TJP1: variants seen among roughly 807,000 people sequenced by gnomAD.
TJP1 encodes the protein tight junction protein ZO-1.
TJP1 carries 43 observed loss-of-function variants against 194.2 expected under a neutral mutation model. The ratio of observed to expected loss-of-function variants is 0.22; its 90% confidence interval spans 0.17 to 0.29. TJP1 has a LOEUF of 0.29. TJP1 is among the 10% of genes least tolerant of loss of function. The pLI is 1.00. For synonymous variants in TJP1, 801 were observed against 779.0 expected (o/e 1.03, Z -0.47); for missense variants, 1,971 against 2,185.7 (o/e 0.90, Z 1.96).
At chr15:29,735,604 AAAG>A (rs2043977312) in intron 11 of TJP1, among the ~76,000 whole-genome samples, 1 of 149,620 alleles carries the variant, frequency 6.7e-6, no homozygotes, top group African/African-American at 2.5e-5. Flanking sequence ...AAAAAAAAAA[AAAG>A]AAAGAAACGT....
chr15:29,725,577 TA>T (rs963506157), intron 18 of TJP1, among the ~76,000 whole-genome samples: 60 of 143,766 alleles, frequency 4.2e-4, no homozygotes, highest in African/African-American at 6.1e-4. Flanking sequence ...AAAAGACATT[TA>T]AAAAAAAAAA....
At chr15:29,888,261 G>C (rs1394963556) in intron 2 of TJP1, among the ~76,000 whole-genome samples, 2 of 151,724 alleles carry the variant, frequency 1.3e-5, no homozygotes, top group Non-Finnish European at 2.9e-5. Context: ...TTTTATATGT[G>C]TATGTACATA....
At chr15:29,885,286 T>TC (rs1463161774) in intron 2 of TJP1, among the ~76,000 whole-genome samples, 1 of 152,182 alleles carries the variant, frequency 6.6e-6, no homozygotes, top group Non-Finnish European at 1.5e-5. Context: ...TGAGTACGTG[T>TC]CAGCTACCAG....
chr15:29,913,243 T>C (rs531280149), intron 2 of TJP1, among the ~76,000 whole-genome samples: 85 of 152,144 alleles, frequency 5.6e-4, no homozygotes, highest in African/African-American at 1.9e-3. Context: ...TTAAATACAC[T>C]AGAATTTATT....
chr15:29,806,661 T>G (rs1285597975), intron 1 of TJP1, among the ~76,000 whole-genome samples: 1 of 152,176 alleles, frequency 6.6e-6, no homozygotes, highest in Non-Finnish European at 1.5e-5. Flanking sequence ...GAGATGAGGT[T>G]GAGCCAGGAA....
chr15:29,956,216 T>C, intron 2 of TJP1: 1 of 1,234,866 alleles, frequency 8.1e-7, no homozygotes, highest in Non-Finnish European at 1.0e-6. Context: ...AGAAAAGCAT[T>C]GATCAGTCCA....
rs185929320 is a variant in TJP1 at position 29,924,884 on chromosome 15, C to T, written c.306+31348G>A. Reference sequence around the variant, plus strand: ...TAGGGGCTAGGCCCACGGGGCAGCTCTGACTCCTCCCCATAGTCCCAGTGC... The same window carrying T: ...TAGGGGCTAGGCCCACGGGGCAGCTTTGACTCCTCCCCATAGTCCCAGTGC... On this transcript the variant is annotated intron_variant, in intron 2 of 28. Coordinates refer to the TJP1 transcript ENST00000356107. Among the ~76,000 whole-genome samples, 616 of 152,346 alleles carry T rather than the reference C, an allele frequency of 4.0e-3. 2 individuals carry two copies. Among genetic ancestry groups the T allele is most frequent in the Non-Finnish European group, 6.3e-3 (429 of 68,032 alleles).
intron 1 of TJP1, among the ~76,000 whole-genome samples, chr15:29,807,766 A>T (rs1477137300): frequency 6.6e-6 from 1 of 152,218 alleles, no homozygotes; most frequent in East Asian, 1.9e-4. Flanking sequence ...TATAAATCTA[A>T]TATTTTAAAA....
chr15:29,947,921 C>T (rs1051460047), intron 2 of TJP1, among the ~76,000 whole-genome samples: 55 of 152,170 alleles, frequency 3.6e-4, no homozygotes, highest in Non-Finnish European at 7.4e-4. Flanking sequence ...GGGCTGCCTT[C>T]CCCCACACTC....
intron 1 of TJP1, among the ~76,000 whole-genome samples, chr15:29,802,353 G>A (rs1460687017): frequency 6.6e-6 from 1 of 152,014 alleles, no homozygotes; most frequent in Non-Finnish European, 1.5e-5. Context: ...GAAGATTAAT[G>A]CCATTTTAGA....
intron 1 of TJP1, among the ~76,000 whole-genome samples, chr15:29,960,746 C>CT: frequency 6.6e-6 from 1 of 152,108 alleles, no homozygotes; most frequent in Non-Finnish European, 1.5e-5. Flanking sequence ...GGTACCTTGT[C>CT]TAAGAATTTA....
At chr15:29,797,192 A>G (rs1202690859) in intron 2 of TJP1, among the ~76,000 whole-genome samples, 2 of 152,184 alleles carry the variant, frequency 1.3e-5, no homozygotes, top group Non-Finnish European at 2.9e-5. Flanking sequence ...TCTGTCTCCC[A>G]TGCTGGAGTG....
chr15:29,717,421 T>A (rs1395214851), intron 22 of TJP1, among the ~76,000 whole-genome samples: 3 of 152,232 alleles, frequency 2.0e-5, no homozygotes, highest in African/African-American at 7.2e-5. Context: ...AGAGCTGTAT[T>A]CAAATCTAAT....
At position 29,726,436 on chromosome 15, in the gene TJP1, C is replaced by T. The variant is rs376538778; in HGVS notation, c.2355G>A (p.Ala785=). The T allele has an allele frequency of 1.9e-5, 30 of 1,613,924 alleles. No individual in the cohort carries two copies. Among genetic ancestry groups the T allele is most frequent in the Admixed American group, 6.7e-5 (4 of 59,990 alleles). Residue 785 remains alanine, a synonymous_variant, in exon 18 of 28, where the codon GCG becomes GCA. Transcript: ENST00000614355. ...GCTGTTGTTGAATTGCTTCTTTCAG[C>T]GCACCATACCAACCATCATTCATTG... ...LNSMNDGWYG[A]LKEAIQQQQN...
Position 29,743,245 on chromosome 15 carries a change from CAA to C in TJP1, c.1011-466_1011-465del, listed in dbSNP as rs2044544114. Among the ~76,000 whole-genome samples the C allele has an allele frequency of 2.0e-5, 3 of 152,152 alleles. No individual in the cohort carries two copies. The East Asian group carries it at 5.8e-4, about 29-fold the overall frequency. On this transcript the variant is annotated intron_variant, in intron 8 of 27. Coordinates refer to ENST00000614355, the MANE Select transcript of TJP1 (RefSeq NM_001330239.4). ...ACTCAATGAAGCCACAGTATATCAA[CAA>C]AAGTGATTACATAAAAATAAAGTAC...
At chr15:29,844,678 T>C (rs1394732749) in intron 2 of TJP1, among the ~76,000 whole-genome samples, 1 of 152,144 alleles carries the variant, frequency 6.6e-6, no homozygotes, top group East Asian at 1.9e-4. Context: ...AAGCAGGTTT[T>C]GGAGGCTGAT....
rs775708047 is a variant in TJP1, at chr15:29,716,604, A to G, written c.4202+7T>C. On this transcript the variant is annotated splice_region_variant and intron_variant, in intron 23 of 27. Coordinates refer to ENST00000614355, the MANE Select transcript of TJP1 (RefSeq NM_001330239.4). Reference sequence around the variant, plus strand: ...CCTATTTTTAAAAGCCAGGTGAAATAGCTTACTTTGAAGAATAACTAGAAA... The same window carrying G: ...CCTATTTTTAAAAGCCAGGTGAAATGGCTTACTTTGAAGAATAACTAGAAA... 1.9e-6 allele frequency: 3 copies of G among 1,603,642 alleles called. No homozygotes were observed. The highest frequency in any genetic ancestry group is 2.7e-5 in the African/African-American group (2 of 74,746).
chr15:29,963,929 GGTGTGAGCCACT>G (rs2056248788), intron 1 of TJP1, among the ~76,000 whole-genome samples: 2 of 152,206 alleles, frequency 1.3e-5, no homozygotes, highest in African/African-American at 4.8e-5. Context: ...TGGGATTACA[GGTGTGAGCCACT>G]GTGCCCAGCC....
intron 22 of TJP1, among the ~76,000 whole-genome samples, chr15:29,717,254 G>C (rs1265990739): frequency 6.6e-6 from 1 of 152,156 alleles, no homozygotes; most frequent in East Asian, 1.9e-4. Flanking sequence ...GGATCTCAAT[G>C]ATTCTCATAT....
Sources: gnomAD v4.1 joint callset for allele counts (sites outside exome capture counted in the v4.1 genomes callset) on GRCh38, gnomAD v4.1.1 for gene constraint, MANE v1.5 for transcripts, NCBI Gene and HGNC (gene_info 2026-07-23, HGNC 2026-07-21) for gene names.